PDLIM3: variants seen among roughly 807,000 people sequenced by gnomAD.
The protein encoded by PDLIM3 is PDZ and LIM domain protein 3.
PDLIM3 carries 36 observed loss-of-function variants against 37.3 expected under a neutral mutation model. The ratio of observed to expected loss-of-function variants is 0.97; its 90% CI spans 0.74 to 1.28. The LOEUF is 1.28. PDLIM3 is among the 50% of genes most tolerant of loss of function. The pLI, the probability that PDLIM3 is intolerant of heterozygous loss-of-function variation, is 0.00. For missense variants in PDLIM3, 454 were observed against 485.0 expected (o/e 0.94, Z 0.60); for synonymous variants, 174 against 182.4 (o/e 0.95, Z 0.37).
At position 185,529,440 on chromosome 4, in the gene PDLIM3, GA is replaced by G. The variant is rs1334140845; in HGVS notation, c.94-4270del. 1.4e-4 allele frequency among the ~76,000 whole-genome samples: 21 copies of G among 152,286 alleles called. No individual in the cohort carries two copies. In the East Asian group the frequency reaches 2.9e-3, roughly 21 times the overall value. ...GATGTTTCTGTTAATAAAAACGACT[GA>G]AATAGTTATGGAGCAAGACAAGCAC... On this transcript the variant is annotated intron_variant, in intron 1 of 7. Coordinates refer to ENST00000284767, the MANE Select transcript of PDLIM3 (RefSeq NM_014476.6).
In PDLIM3 at chr4:185,508,527, C is replaced by T; in HGVS notation, c.434G>A (p.Ser145Asn). 6.2e-7 allele frequency: 1 copy of T among 1,614,120 alleles called. No homozygotes were observed. Reference sequence around the variant, plus strand: ...GACAGAAGAAGGGGTGCTGCGTCCACTGCCACAGTCAATCCCGGAGGGAGT... The same window carrying T: ...GACAGAAGAAGGGGTGCTGCGTCCATTGCCACAGTCAATCCCGGAGGGAGT... ...CSTPSGIDCG[S>N]GRSTPSSVST... Residue 145 changes from serine (S) to asparagine (N), a missense_variant, in exon 5 of 8, where the codon AGT becomes AAT. By Grantham distance (46) the Ser-to-Asn change is conservative. Transcript: ENST00000284767.
chr4:185,535,316 G>A, intron 1 of PDLIM3, 26 bp downstream of exon 1: 2 of 1,585,420 alleles, frequency 1.3e-6, no homozygotes, highest in Non-Finnish European at 1.7e-6. Flanking sequence ...CCACCTCGCA[G>A]CAAAAGCAAG....
intron 3 of PDLIM3, chr4:185,515,031 C>T: frequency 3.2e-6 from 2 of 631,918 alleles, no homozygotes; most frequent in Non-Finnish European, 5.2e-6. Flanking sequence ...AGGAGTTAGC[C>T]ATAAACTTTT....
intron 4 of PDLIM3, among the ~76,000 whole-genome samples, chr4:185,510,545 T>C (rs1456965285): frequency 6.6e-6 from 1 of 152,222 alleles, no homozygotes; most frequent in South Asian, 2.1e-4. Context: ...GTGTATTGTA[T>C]ACATTCATGG....
chr4:185,514,938 C>A lies in PDLIM3; in HGVS notation c.331-601G>T. ...CACAGCCACACAGCGCACAAGAAAG[C>A]CATTAGTGAGCGAAACCAACAGCAT... On this transcript the variant is annotated intron_variant, in intron 3 of 7. Coordinates refer to ENST00000284767, the MANE Select transcript of PDLIM3 (RefSeq NM_014476.6). This position sits in a 1 kb window ranked among gnomAD's most constrained non-coding sequence, Gnocchi z 4.0. The A allele has an allele frequency of 6.8e-7, 1 of 1,462,788 alleles. No homozygotes were observed. Among genetic ancestry groups the A allele is most frequent in the Non-Finnish European group, 9.2e-7 (1 of 1,088,700 alleles). 90.6% of individuals were successfully genotyped at this position (1,462,788 alleles called of 1,614,324 possible).
Position 185,535,369 on chromosome 4 carries a change from G to A in PDLIM3, c.66C>T (p.Asp22=), listed in dbSNP as rs770008147. Residue 22 remains aspartate (D), a synonymous_variant, in exon 1 of 8, where the codon GAC becomes GAT. Coordinates refer to ENST00000284767, the MANE Select transcript of PDLIM3 (RefSeq NM_014476.6). The stretch of plus-strand genomic sequence containing the variant: ...TGGTGATGACCAAAGGCTGGTTGAA[G>A]TCTATGCCCCCTGAGAGCCTGAAGC... The part of the protein sequence containing the change: ...PWGFRLSGGI[D]FNQPLVITRI... 12 of 1,608,992 alleles carry A rather than the reference G, an allele frequency of 7.5e-6. No homozygotes were observed. Among genetic ancestry groups the A allele is most frequent in the Non-Finnish European group, 1.0e-5 (12 of 1,177,876 alleles).
rs1372310903 is a variant in PDLIM3 at position 185,502,213 on chromosome 4, CCTT to C, written c.*78_*80del. On this transcript the variant is annotated 3_prime_UTR_variant, in exon 8 of 8. Coordinates refer to ENST00000284767, the MANE Select transcript of PDLIM3 (RefSeq NM_014476.6). ...ATTTGGAGTTGACAATCTGCACAAT[CCTT>C]CTGCCCAAAGCCATGAATGTCTTCT... The C allele has an allele frequency of 5.1e-6, 7 of 1,384,036 alleles. No homozygotes were observed. Among genetic ancestry groups the C allele is most frequent in the Admixed American group, 1.7e-5 (1 of 59,624 alleles). 85.7% of individuals were successfully genotyped at this position (1,384,036 alleles called of 1,614,324 possible).
chr4:185,501,752 T>G lies in PDLIM3; in HGVS notation c.*542A>C, dbSNP rs2095687353. On this transcript the variant is annotated 3_prime_UTR_variant, in exon 8 of 8. Transcript: ENST00000284767. The stretch of plus-strand genomic sequence containing the variant: ...CAATGAATGCCACTTCATTAGGTAT[T>G]TTTTAAATCTTTTATGTATTTATTA... 2 of 156,370 alleles carry G rather than the reference T, an allele frequency of 1.3e-5. No homozygotes were observed. The highest frequency in any genetic ancestry group is 4.8e-5 in the African/African-American group (2 of 41,492). The allele number at this position is 156,370 out of a possible 1,614,324, so 9.7% of individuals were successfully genotyped here.
intron 1 of PDLIM3, among the ~76,000 whole-genome samples, chr4:185,530,191 AACAAAATTGAACAGGTTTTTATTT>A (rs2095741611): frequency 6.6e-6 from 1 of 152,242 alleles, no homozygotes; most frequent in Admixed American, 6.5e-5. Context: ...TCTGTGTTAG[AACAAAATTGAACAGGTTTTTATTT>A]ACATCAACCT....
At chr4:185,523,668 G>C (rs2095727141) in intron 2 of PDLIM3, among the ~76,000 whole-genome samples, 1 of 149,588 alleles carries the variant, frequency 6.7e-6, no homozygotes, top group Non-Finnish European at 1.5e-5. Flanking sequence ...AACCAGGCTG[G>C]AGTGCAGTGG....
At chr4:185,513,945 C>G in intron 4 of PDLIM3, 1 of 1,224,382 alleles carries the variant, frequency 8.2e-7, no homozygotes, top group Non-Finnish European at 1.0e-6. Context: ...GCTTTCCTGA[C>G]CTGGGATAGA....
chr4:185,519,679 G>A (rs6823335), intron 3 of PDLIM3, among the ~76,000 whole-genome samples: 123,922 of 151,890 alleles, frequency 0.82, 51,004 homozygotes, highest in Non-Finnish European at 0.87. Flanking sequence ...ATTCACAGGG[G>A]AAAAAAACCC....
At chr4:185,529,648 C>T (rs2095740463) in intron 1 of PDLIM3, among the ~76,000 whole-genome samples, 1 of 152,214 alleles carries the variant, frequency 6.6e-6, no homozygotes, top group Non-Finnish European at 1.5e-5. Context: ...TCTGCATGCA[C>T]CTGGGCATGG....
At position 185,514,592 on chromosome 4, in the gene PDLIM3, G is replaced by A. The variant is rs2095711823; in HGVS notation, c.331-255C>T. The A allele has an allele frequency of 5.5e-6, 7 of 1,265,302 alleles. No homozygotes were observed. The Admixed American group carries it at 1.1e-4, about 19-fold the overall frequency. The allele number at this position is 1,265,302 out of a possible 1,614,324, so 78.4% of individuals were successfully genotyped here. A position where few individuals can be genotyped will look rare whatever the true frequency, so the allele number is the denominator to read the frequency against. On this transcript the variant is annotated intron_variant, in intron 3 of 7. Coordinates refer to ENST00000284767, the MANE Select transcript of PDLIM3 (RefSeq NM_014476.6). This position sits in a 1 kb window ranked among gnomAD's most constrained non-coding sequence, Gnocchi z 4.0. ...TTGTCTTTAAAAGAGAAATCTGATAGTGCCTTCAGGAAAGTAAAAATAAAA... is the reference window on the plus strand; with the variant it reads ...TTGTCTTTAAAAGAGAAATCTGATAATGCCTTCAGGAAAGTAAAAATAAAA...
chr4:185,517,414 G>T (rs1488334375), intron 3 of PDLIM3: 1 of 120,408 alleles, frequency 8.3e-6, no homozygotes, highest in African/African-American at 3.1e-5. Context: ...TTTGTAAATA[G>T]AATTGAATTA....
rs2095711662 is a variant in PDLIM3, at chr4:185,514,497, C to A, written c.331-160G>T. The A allele has an allele frequency of 4.8e-6, 7 of 1,461,146 alleles. No homozygotes were observed. In the East Asian group the frequency reaches 1.7e-4, roughly 35 times the overall value. The allele number at this position is 1,461,146 out of a possible 1,614,324, so 90.5% of individuals were successfully genotyped here. ...GACCAGGACGATGTCTTCTTTCCAA[C>A]CATCTATCCGCTAAACGGTCAGGCA... On this transcript the variant is annotated intron_variant, in intron 3 of 7. Coordinates refer to ENST00000284767, the MANE Select transcript of PDLIM3 (RefSeq NM_014476.6). The surrounding 1 kb of genome is among the most constrained non-coding windows in gnomAD (Gnocchi z 4.0).
At chr4:185,533,193 C>A (rs527988775) in intron 1 of PDLIM3, among the ~76,000 whole-genome samples, 1 of 152,252 alleles carries the variant, frequency 6.6e-6, no homozygotes, top group Admixed American at 6.5e-5. Flanking sequence ...GCCTGGCAAG[C>A]AAGAGAGTAC....
Position 185,504,601 on chromosome 4 carries a change from G to A in PDLIM3, c.794-15C>T, listed in dbSNP as rs757881954. On this transcript the variant is annotated splice_polypyrimidine_tract_variant and intron_variant, in intron 6 of 7. Coordinates refer to ENST00000284767, the MANE Select transcript of PDLIM3 (RefSeq NM_014476.6). This position sits in a 1 kb window ranked among gnomAD's most constrained non-coding sequence, Gnocchi z 4.7. ...CGGACGGTCATCTGAAAAACAAAGC[G>A]TTTCCATTTATGGCTAGGGAACAGC... The A allele has an allele frequency of 7.5e-6, 12 of 1,603,498 alleles. No homozygotes were observed. Among genetic ancestry groups the A allele is most frequent in the South Asian group, 1.1e-5 (1 of 90,560 alleles).
At chr4:185,510,802 ATGAG>A (rs1183671848) in intron 4 of PDLIM3, among the ~76,000 whole-genome samples, 1 of 152,264 alleles carries the variant, frequency 6.6e-6, no homozygotes, top group Non-Finnish European at 1.5e-5. Flanking sequence ...TATTAAATAA[ATGAG>A]TAATGAACCC....
Sources: allele counts gnomAD v4.1 joint callset (sites outside exome capture counted in the v4.1 genomes callset), GRCh38; gene constraint gnomAD v4.1.1; non-coding constraint Gnocchi (gnomAD v3.1); transcripts MANE v1.5; gene names NCBI Gene and HGNC (gene_info 2026-07-23, HGNC 2026-07-21).